Variants in CRABP1 observed in about 807,000 individuals in gnomAD.
CRABP1 encodes cellular retinoic acid-binding protein 1.
A neutral mutation model predicts 16.4 loss-of-function variants in CRABP1; 9 were observed. The observed-to-expected ratio is 0.55, with a 90% CI of 0.33 to 0.96. The LOEUF (loss-of-function observed/expected upper bound fraction) is 0.96. Among genes scored for constraint, CRABP1 ranks in the 40% least tolerant of loss-of-function variants. The probability of loss-of-function intolerance (pLI) is 0.03; values close to 1 mark genes in which losing one functional copy is unlikely to be tolerated. For synonymous variants in CRABP1, 72 were observed against 70.4 expected, an observed-to-expected ratio of 1.02 and a Z score of -0.11; for missense variants, 157 against 186.0, an observed-to-expected ratio of 0.84 and a Z score of 0.91.
At chr15:78,343,461 ACT>A (rs764597326) in intron 2 of CRABP1, 36 bp from the exon 3 acceptor site, 5 of 1,502,436 alleles carry the variant, frequency 3.3e-6, no homozygotes, top group Admixed American at 1.7e-5. Flanking sequence ...CGCTGCTGAG[ACT>A]CTAATTAATG....
rs1595956819 is a variant in CRABP1 at position 78,347,999 on chromosome 15, T to C, written c.*22T>C. On this transcript the variant is annotated 3_prime_UTR_variant, in exon 4 of 4. Transcript: ENST00000299529. ...GTGAAGGCAGCTGGCTTGCTCCTAC[T>C]TTCAGGAAGGGATGCAGGCTCCCCT... 6.2e-7 allele frequency: 1 copy of C among 1,613,138 alleles called. No homozygotes were observed. The highest frequency in any genetic ancestry group is 2.2e-5 in the East Asian group (1 of 44,872).
Position 78,343,528 on chromosome 15 carries a change from G to T in CRABP1, c.279G>T (p.Lys93Asn). The change falls in exon 3 of 4, where the codon AAG (lysine) becomes AAT (asparagine). Residue 93 changes from lysine (K) to asparagine (N), a missense_variant. Lys to Asn is a moderately conservative substitution (Grantham distance 94, BLOSUM62 0). Coordinates refer to ENST00000299529, the MANE Select transcript of CRABP1 (RefSeq NM_004378.3). The stretch of plus-strand genomic sequence containing the variant: ...TAGCCACTTGGGAGAATGAGAACAA[G>T]ATCCACTGCACGCAAACTCTTCTTG... The part of the protein sequence containing the change: ...RSLATWENEN[K>N]IHCTQTLLEG... The T allele has an allele frequency of 6.2e-7, 1 of 1,614,196 alleles. No homozygotes were observed. Among genetic ancestry groups the T allele is most frequent in the Non-Finnish European group, 8.5e-7 (1 of 1,180,022 alleles).
At chr15:78,340,524 C>G (rs2050226631) in intron 1 of CRABP1, 26 bp downstream of exon 1, 1 of 1,597,104 alleles carries the variant, frequency 6.3e-7, no homozygotes, top group Non-Finnish European at 8.5e-7. Context: ...GGGCGCGCCC[C>G]GACGGGGAGA....
In CRABP1 at chr15:78,341,063, A is replaced by G. The variant is rs1317385407; in HGVS notation, c.91A>G (p.Lys31Glu). 6.2e-7 allele frequency: 1 copy of G among 1,610,324 alleles called. No individual in the cohort carries two copies. The highest frequency in any genetic ancestry group is 1.7e-5 in the Admixed American group (1 of 59,990). The change falls in exon 2 of 4, where the codon AAA becomes GAA. Residue 31 changes from lysine (K) to glutamate (E), a missense_variant. By Grantham distance (56) the Lys-to-Glu change is moderately conservative. Transcript: ENST00000299529. The surrounding 1 kb of genome is among the most constrained non-coding windows in gnomAD (Gnocchi z 5.3). The stretch of plus-strand genomic sequence containing the variant: ...CGCAGGTGTGAACGCCATGCTGAGG[A>G]AAGTGGCCGTAGCGGCTGCGTCCAA... ...KALGVNAMLR[K>E]VAVAAASKPH...
chr15:78,343,196 C>T (rs2050244613), intron 2 of CRABP1, among the ~76,000 whole-genome samples: 1 of 152,154 alleles, frequency 6.6e-6, no homozygotes. Context: ...TCATTTCATG[C>T]TCTAAATTTT....
intron 2 of CRABP1, 108 bp from the exon 3 acceptor site, chr15:78,343,391 A>T: frequency 1.2e-6 from 1 of 832,886 alleles, no homozygotes; most frequent in Non-Finnish European, 1.9e-6. Context: ...GCTGACAGGG[A>T]CCATGTGTTG....
At position 78,341,086 on chromosome 15, in the gene CRABP1, C is replaced by G. The variant is rs1024907313; in HGVS notation, c.114C>G (p.Ser38=). 4 of 1,611,736 alleles carry G rather than the reference C, an allele frequency of 2.5e-6. No individual in the cohort carries two copies. The highest frequency in any genetic ancestry group is 3.4e-6 in the Non-Finnish European group (4 of 1,179,864). The change falls in exon 2 of 4, where the codon TCC becomes TCG. Residue 38 remains serine (S), a synonymous_variant. Transcript: ENST00000299529. This position sits in a 1 kb window ranked among gnomAD's most constrained non-coding sequence, Gnocchi z 5.3. ...GGAAAGTGGCCGTAGCGGCTGCGTCCAAGCCGCACGTGGAGATCCGCCAGG... is the reference window on the plus strand; with the variant it reads ...GGAAAGTGGCCGTAGCGGCTGCGTCGAAGCCGCACGTGGAGATCCGCCAGG... The part of the protein sequence containing the change: ...MLRKVAVAAA[S]KPHVEIRQDG...
chr15:78,347,958 G>C lies in CRABP1; in HGVS notation c.395G>C (p.Arg132Thr). The C allele has an allele frequency of 6.2e-7, 1 of 1,614,146 alleles. No individual in the cohort carries two copies. Among genetic ancestry groups the C allele is most frequent in the South Asian group, 1.1e-5 (1 of 91,086 alleles). Reference sequence around the variant, plus strand: ...GGCGCCGATGACGTGGTCTGCACCAGAATTTATGTCCGAGAGTGAAGGCAG... The same window carrying C: ...GGCGCCGATGACGTGGTCTGCACCACAATTTATGTCCGAGAGTGAAGGCAG... ...TFGADDVVCT[R>T]IYVRE Residue 132 changes from arginine to threonine, a missense_variant, in exon 4 of 4, where the codon AGA becomes ACA. Coordinates refer to ENST00000299529, the MANE Select transcript of CRABP1 (RefSeq NM_004378.3).
intron 3 of CRABP1, among the ~76,000 whole-genome samples, chr15:78,347,266 A>G (rs1033794570): frequency 6.6e-6 from 1 of 152,010 alleles, no homozygotes; most frequent in African/African-American, 2.4e-5. Context: ...CCTCTCCTCA[A>G]CACCAGCCCC....
At chr15:78,347,850 C>T (rs2050275080) in intron 3 of CRABP1, 77 bp from the exon 4 acceptor site, 2 of 1,320,554 alleles carry the variant, frequency 1.5e-6, no homozygotes, top group Non-Finnish European at 2.2e-6. Flanking sequence ...CAATAAGTGG[C>T]CTTATTAGTG....
chr15:78,347,567 T>C (rs28588573), intron 3 of CRABP1, among the ~76,000 whole-genome samples: 6,152 of 152,288 alleles, frequency 0.04, 417 homozygotes, highest in African/African-American at 0.14. Flanking sequence ...TCTTTCTATC[T>C]TGAAGTCATT....
rs115268761 is a variant in CRABP1 at position 78,347,795 on chromosome 15, A to G, written c.364-132A>G. On this transcript the variant is annotated intron_variant, in intron 3 of 3. Transcript: ENST00000299529. ...ATCCCTTAATGCTTAGCCTGAGCAC[A>G]CACACAGGAAATTGAATGTCTGTTA... is the stretch of plus-strand genomic sequence containing the variant. 1.5e-3 allele frequency: 1,212 copies of G among 825,488 alleles called. 10 individuals are homozygous for G. In the African/African-American group the frequency reaches 0.019, roughly 13 times the overall value. 51.1% of individuals were successfully genotyped at this position (825,488 alleles called of 1,614,324 possible). A position where few individuals can be genotyped will look rare whatever the true frequency, so the allele number is the denominator to read the frequency against.
intron 2 of CRABP1, among the ~76,000 whole-genome samples, chr15:78,342,573 G>A (rs1448153850): frequency 1.3e-5 from 2 of 152,102 alleles, no homozygotes; most frequent in Non-Finnish European, 2.9e-5. Context: ...AAAAACTTCA[G>A]GAAATCCCTC....
chr15:78,343,439 T>A (rs2050246548), intron 2 of CRABP1, 60 bp from the exon 3 acceptor site: 3 of 1,311,276 alleles, frequency 2.3e-6, no homozygotes, highest in Admixed American at 1.7e-5. Flanking sequence ...TGCTCATTGT[T>A]GTCCCTGCTC....
chr15:78,343,575 A>G lies in CRABP1; in HGVS notation c.326A>G (p.Tyr109Cys). Residue 109 changes from tyrosine to cysteine, a missense_variant, in exon 3 of 4, where the codon TAC (tyrosine) becomes TGC (cysteine). By Grantham distance (194) the Tyr-to-Cys change is radical. Coordinates refer to ENST00000299529, the MANE Select transcript of CRABP1 (RefSeq NM_004378.3). ...CTTGAAGGGGACGGCCCCAAAACCT[A>G]CTGGACCCGTGAGCTGGCCAACGAT... ...TLLEGDGPKTYWTRELANDEL... is the reference protein window; with the variant it reads ...TLLEGDGPKTCWTRELANDEL... 1 of 1,614,166 alleles carries G rather than the reference A, an allele frequency of 6.2e-7. No homozygotes were observed. The highest frequency in any genetic ancestry group is 1.3e-5 in the African/African-American group (1 of 75,060).
At chr15:78,344,232 G>A (rs117986181) in intron 3 of CRABP1, among the ~76,000 whole-genome samples, 7,103 of 152,212 alleles carry the variant, frequency 0.047, 228 homozygotes, top group Non-Finnish European at 0.069. Context: ...GGGCCAAAGC[G>A]GGTGGATCAC....
At chr15:78,342,190 A>G (rs560088536) in intron 2 of CRABP1, among the ~76,000 whole-genome samples, 7 of 152,198 alleles carry the variant, frequency 4.6e-5, no homozygotes, top group African/African-American at 1.7e-4. Flanking sequence ...CAGAATTGTC[A>G]TAGCCTGGAA....
chr15:78,342,410 G>A (rs779678557), intron 2 of CRABP1, among the ~76,000 whole-genome samples: 2 of 151,950 alleles, frequency 1.3e-5, no homozygotes, highest in African/African-American at 2.4e-5. Context: ...CACAACAGCC[G>A]GGAGAGTGGG....
At chr15:78,343,674 C>T in intron 3 of CRABP1, 62 bp downstream of exon 3, 3 of 1,261,106 alleles carry the variant, frequency 2.4e-6, no homozygotes, top group African/African-American at 1.5e-5. Context: ...CCAGATGGGC[C>T]CCACAAATAT....
Sources: gnomAD v4.1 joint callset for allele counts (sites outside exome capture counted in the v4.1 genomes callset) on GRCh38, gnomAD v4.1.1 for gene constraint, Gnocchi (gnomAD v3.1) non-coding constraint, MANE v1.5 for transcripts, NCBI Gene and HGNC (gene_info 2026-07-23, HGNC 2026-07-21) for gene names.